The following USH2A variants were observed in gnomAD, a reference collection of about 807,000 sequenced individuals.
USH2A encodes the protein Usher syndrome 2A (autosomal recessive, mild).
Under a neutral mutation model 538.9 loss-of-function variants are expected in USH2A, and 443 were observed. The ratio of observed to expected loss-of-function variants is 0.82; its 90% confidence interval spans 0.76 to 0.89. USH2A has a LOEUF of 0.89. Ranked by LOEUF, USH2A falls within the 40% of genes least tolerant of loss-of-function variation. The pLI is 0.00. For synonymous variants in USH2A, 2,413 were observed against 2,273.5 expected (o/e 1.06, Z -1.75); for missense variants, 6,633 against 6,324.8 (o/e 1.05, Z -1.65).
At chr1:216,223,137 A>T (rs1239442571) in intron 14 of USH2A, among the ~76,000 whole-genome samples, 1 of 152,116 alleles carries the variant, frequency 6.6e-6, no homozygotes, top group African/African-American at 2.4e-5. Flanking sequence ...CTATAAGATA[A>T]TAAAAATTCA....
At chr1:215,809,922 CT>C (rs1230017462) in intron 49 of USH2A, among the ~76,000 whole-genome samples, 1 of 152,118 alleles carries the variant, frequency 6.6e-6, no homozygotes, top group African/African-American at 2.4e-5. Flanking sequence ...GACCATTGCG[CT>C]TTTTTCCCCC....
chr1:215,704,437 C>A (rs767141530), intron 61 of USH2A, among the ~76,000 whole-genome samples: 6 of 152,238 alleles, frequency 3.9e-5, no homozygotes, highest in Non-Finnish European at 7.3e-5. Context: ...CACTTACCAT[C>A]TCTCCTAGAT....
intron 32 of USH2A, among the ~76,000 whole-genome samples, chr1:216,023,027 A>T (rs2102503055): frequency 6.6e-6 from 1 of 152,278 alleles, no homozygotes; most frequent in Middle Eastern, 3.4e-3. Context: ...GACTCCCCAG[A>T]AATGCATGAG....
At chr1:216,080,659 T>C (rs1157197620) in intron 26 of USH2A, among the ~76,000 whole-genome samples, 1 of 150,970 alleles carries the variant, frequency 6.6e-6, no homozygotes, top group African/African-American at 2.4e-5. Flanking sequence ...TTTCAATCAT[T>C]CCATATATTG....
At chr1:216,213,611 T>C (rs1165294760) in intron 15 of USH2A, among the ~76,000 whole-genome samples, 1 of 151,940 alleles carries the variant, frequency 6.6e-6, no homozygotes, top group Non-Finnish European at 1.5e-5. Flanking sequence ...TGGATCTAAA[T>C]GTAAATGTTT....
Position 216,419,687 on chromosome 1 carries a change from A to G in USH2A, c.486-1008T>C, listed in dbSNP as rs537985477. Among the ~76,000 whole-genome samples, 7 of 152,272 alleles carry G rather than the reference A, an allele frequency of 4.6e-5. No individual in the cohort carries two copies. The East Asian group carries it at 1.4e-3, about 29-fold the overall frequency. ...GGATACACACACAAACACCTAGGAT[A>G]CAGTAGTCTCTCAAAAAATGATGAG... On this transcript the variant is annotated intron_variant, in intron 2 of 71. Transcript: ENST00000307340.
At chr1:215,677,688 G>C (rs527423715) in intron 62 of USH2A, among the ~76,000 whole-genome samples, 4 of 152,134 alleles carry the variant, frequency 2.6e-5, no homozygotes, top group Non-Finnish European at 5.9e-5. Context: ...TTCTAGCCTA[G>C]TTCCCTCTTA....
rs1270707790 is a variant in USH2A, at chr1:216,217,454, T to A, written c.3090A>T (p.Ser1030=). 6.2e-7 allele frequency: 1 copy of A among 1,613,366 alleles called. No homozygotes were observed. Among genetic ancestry groups the A allele is most frequent in the Non-Finnish European group, 8.5e-7 (1 of 1,179,530 alleles). ...CACTGGGAACACAAGCATCACACTT[T>A]GAGCCAGTGACAAATTGTTTACAGA... The part of the protein sequence containing the change: ...QCFCKQFVTG[S]KCDACVPSAS... Residue 1030 remains serine, a synonymous_variant, in exon 15 of 72, where the codon TCA becomes TCT. Coordinates refer to ENST00000307340, the MANE Select transcript of USH2A (RefSeq NM_206933.4).
chr1:215,818,656 T>C (rs1488353219), intron 47 of USH2A, among the ~76,000 whole-genome samples: 4 of 151,856 alleles, frequency 2.6e-5, no homozygotes, highest in African/African-American at 9.7e-5. Flanking sequence ...GATCTATTAA[T>C]ATTTCATTTG....
intron 4 of USH2A, among the ~76,000 whole-genome samples, chr1:216,358,649 G>T (rs67460582): frequency 6.6e-6 from 1 of 151,958 alleles, no homozygotes; most frequent in Non-Finnish European, 1.5e-5. Context: ...CAGTAGGTAC[G>T]ACTGTACATA....
At chr1:216,134,145 T>C (rs1374900710) in intron 21 of USH2A, among the ~76,000 whole-genome samples, 2 of 152,126 alleles carry the variant, frequency 1.3e-5, no homozygotes, top group Non-Finnish European at 2.9e-5. Flanking sequence ...CTTCTAATTC[T>C]CAAATTGCAA....
chr1:216,401,969 G>A (rs1252800346), intron 3 of USH2A, among the ~76,000 whole-genome samples: 1 of 152,056 alleles, frequency 6.6e-6, no homozygotes, highest in Non-Finnish European at 1.5e-5. Context: ...ATTTATAAGA[G>A]AATTGGTTTT....
chr1:216,042,564 A>G (rs2030324747), intron 32 of USH2A, among the ~76,000 whole-genome samples: 1 of 152,032 alleles, frequency 6.6e-6, no homozygotes, highest in South Asian at 2.1e-4. Flanking sequence ...ATACCCTGAC[A>G]CAAAGACAAG....
intron 4 of USH2A, among the ~76,000 whole-genome samples, chr1:216,340,450 C>CA (rs1415420249): frequency 6.8e-6 from 1 of 146,732 alleles, no homozygotes; most frequent in African/African-American, 2.5e-5. Context: ...GAAACTATTC[C>CA]AAAAAATTGA....
intron 37 of USH2A, among the ~76,000 whole-genome samples, chr1:215,962,469 C>A (rs376641817): frequency 1.3e-5 from 2 of 151,922 alleles, no homozygotes; most frequent in African/African-American, 4.8e-5. Flanking sequence ...TGAATATTAC[C>A]AAGCTATATA....
At chr1:215,631,697 G>T (rs1348096852) in intron 70 of USH2A, among the ~76,000 whole-genome samples, 1 of 152,156 alleles carries the variant, frequency 6.6e-6, no homozygotes, top group African/African-American at 2.4e-5. Context: ...AGTTCCCTGG[G>T]CCCAGAGCCC....
chr1:215,739,142 G>A lies in USH2A; in HGVS notation c.11711+2233C>T, dbSNP rs572993173. On this transcript the variant is annotated intron_variant, in intron 60 of 71. Coordinates refer to ENST00000307340, the MANE Select transcript of USH2A (RefSeq NM_206933.4). ...TAAAAAACAAAATGTATCTATGTCAGTCAGTGCCCTTCTGCTGTACTCAGA... is the reference window on the plus strand; with the variant it reads ...TAAAAAACAAAATGTATCTATGTCAATCAGTGCCCTTCTGCTGTACTCAGA... 2.0e-5 allele frequency among the ~76,000 whole-genome samples: 3 copies of A among 152,162 alleles called. No individual in the cohort carries two copies. Among genetic ancestry groups the A allele is most frequent in the Non-Finnish European group, 4.4e-5 (3 of 68,018 alleles).
chr1:216,400,164 A>G (rs1001271858), intron 3 of USH2A, among the ~76,000 whole-genome samples: 14 of 151,674 alleles, frequency 9.2e-5, no homozygotes, highest in South Asian at 2.1e-4. Context: ...GCAATTGTGA[A>G]TTCTTTCAAG....
intron 30 of USH2A, among the ~76,000 whole-genome samples, chr1:216,065,668 T>C (rs1030129371): frequency 6.6e-6 from 1 of 151,824 alleles, no homozygotes; most frequent in South Asian, 2.1e-4. Context: ...AGGCCAAGGC[T>C]GGTGGATCAC....
Sources: allele counts gnomAD v4.1 joint callset (sites outside exome capture counted in the v4.1 genomes callset), GRCh38; gene constraint gnomAD v4.1.1; transcripts MANE v1.5; gene names NCBI Gene and HGNC (gene_info 2026-07-23, HGNC 2026-07-21).